TMEM19: variants seen among roughly 807,000 people sequenced by gnomAD.
The protein encoded by TMEM19 is transmembrane protein 19.
Under a neutral mutation model 33.6 loss-of-function variants are expected in TMEM19, and 21 were observed. The observed-to-expected ratio is 0.62, with a 90% CI of 0.44 to 0.90. The LOEUF (loss-of-function observed/expected upper bound fraction) is 0.90, where lower values mean the gene tolerates loss of function less well. TMEM19 is among the 40% of genes least tolerant of loss of function. The pLI is 0.00. For missense variants in TMEM19, 402 were observed against 401.8 expected (o/e 1.00, Z 0.00); for synonymous variants, 149 against 147.5 (o/e 1.01, Z -0.07).
chr12:71,698,772 G>C (rs1465375390), intron 4 of TMEM19, 128 bp from the exon 5 acceptor site: 17 of 779,608 alleles, frequency 2.2e-5, no homozygotes, highest in Non-Finnish European at 2.9e-5. Context: ...AAAAGCTACA[G>C]TCTTTAGATT....
At position 71,703,284 on chromosome 12, in the gene TMEM19, T is replaced by C. The variant is rs769326700; in HGVS notation, c.*2289T>C. 1 of 147,124 alleles carries C rather than the reference T, an allele frequency of 6.8e-6. No homozygotes were observed. The highest frequency in any genetic ancestry group is 1.5e-5 in the Non-Finnish European group (1 of 67,214). The allele number at this position is 147,124 out of a possible 1,614,324, so 9.1% of individuals were successfully genotyped here. A position where few individuals can be genotyped will look rare whatever the true frequency, so the allele number is the denominator to read the frequency against. On this transcript the variant is annotated 3_prime_UTR_variant, in exon 6 of 6. Transcript: ENST00000266673. ...GTCCTAAAGCACTGTATCTAAGCAC[T>C]TGAAAAGAATGGGACTTTTCGGTTT...
At position 71,689,587 on chromosome 12, in the gene TMEM19, T is replaced by C. The variant is rs1355791687; in HGVS notation, c.131-4T>C. ...ATTTGTGCTCCACCTTTATAATTTT[T>C]CAGGTAACTTACGACCTATTTCTCC... On this transcript the variant is annotated splice_polypyrimidine_tract_variant and splice_region_variant and intron_variant, in intron 1 of 5. Coordinates refer to ENST00000266673, the MANE Select transcript of TMEM19 (RefSeq NM_018279.4). The C allele has an allele frequency of 6.2e-7, 1 of 1,612,824 alleles. No individual in the cohort carries two copies. Among genetic ancestry groups the C allele is most frequent in the Non-Finnish European group, 8.5e-7 (1 of 1,178,794 alleles).
chr12:71,694,234 G>A (rs529862152), intron 2 of TMEM19, among the ~76,000 whole-genome samples: 2 of 152,280 alleles, frequency 1.3e-5, no homozygotes, highest in East Asian at 1.9e-4. Context: ...GAGAGAGAGC[G>A]AGCATTGCCA....
At chr12:71,694,229 A>G (rs1881833682) in intron 2 of TMEM19, among the ~76,000 whole-genome samples, 1 of 152,158 alleles carries the variant, frequency 6.6e-6, no homozygotes, top group South Asian at 2.1e-4. Context: ...TCTTGGAGAG[A>G]GAGCGAGCAT....
At position 71,686,603 on chromosome 12, in the gene TMEM19, T is replaced by C. The variant is rs1881693366; in HGVS notation, c.-78T>C. On this transcript the variant is annotated 5_prime_UTR_variant, in exon 1 of 6. Transcript: ENST00000266673. ...ATTTATGTTTGCCTCTGAACAAGTGTCTTGCTCACATCGTAAATGACTTTC... is the reference window on the plus strand; with the variant it reads ...ATTTATGTTTGCCTCTGAACAAGTGCCTTGCTCACATCGTAAATGACTTTC... 1 of 1,499,134 alleles carries C rather than the reference T, an allele frequency of 6.7e-7. No homozygotes were observed. The highest frequency in any genetic ancestry group is 9.2e-7 in the Non-Finnish European group (1 of 1,089,870). 92.9% of individuals were successfully genotyped at this position (1,499,134 alleles called of 1,614,324 possible). A position where few individuals can be genotyped will look rare whatever the true frequency, so the allele number is the denominator to read the frequency against.
intron 5 of TMEM19, among the ~76,000 whole-genome samples, chr12:71,700,227 G>A (rs1321233101): frequency 6.6e-6 from 1 of 152,218 alleles, no homozygotes; most frequent in Non-Finnish European, 1.5e-5. Context: ...CACACAGACA[G>A]TAAACATGTT....
intron 2 of TMEM19, among the ~76,000 whole-genome samples, chr12:71,696,200 A>C (rs1488913666): frequency 1.3e-5 from 2 of 152,144 alleles, no homozygotes; most frequent in East Asian, 3.8e-4. Context: ...ATTATCTAAA[A>C]TATTATCTTA....
chr12:71,689,664 C>G lies in TMEM19; in HGVS notation c.204C>G (p.Gly68=). The change falls in exon 2 of 6, where the codon GGC becomes GGG. Residue 68 remains glycine, a synonymous_variant. Transcript: ENST00000266673. ...VVVPVLIVSN[G]LKKKSLDHSG... ...TTCCTGTTCTGATCGTCTCTAATGG[C>G]CTTAAAAAGAAAAGTCTAGATCACA... 1 of 1,614,012 alleles carries G rather than the reference C, an allele frequency of 6.2e-7. No homozygotes were observed. The highest frequency in any genetic ancestry group is 1.1e-5 in the South Asian group (1 of 91,082).
intron 1 of TMEM19, among the ~76,000 whole-genome samples, chr12:71,689,303 G>T (rs925207709): frequency 6.6e-6 from 1 of 152,172 alleles, no homozygotes; most frequent in African/African-American, 2.4e-5. Context: ...TTGTAGCCTA[G>T]GACCAATAGG....
At chr12:71,694,829 C>T (rs1421192292) in intron 2 of TMEM19, among the ~76,000 whole-genome samples, 2 of 152,144 alleles carry the variant, frequency 1.3e-5, no homozygotes, top group African/African-American at 4.8e-5. Context: ...TATTAAATTA[C>T]TATGAAATTC....
At chr12:71,696,626 A>G (rs1423227928) in intron 3 of TMEM19, 53 bp downstream of exon 3, 26 of 1,454,068 alleles carry the variant, frequency 1.8e-5, no homozygotes, top group Non-Finnish European at 2.3e-5. Flanking sequence ...TAATCCTAAC[A>G]TAAGGTTTTT....
In TMEM19 at chr12:71,696,542, G is replaced by A. The variant is rs1881873968; in HGVS notation, c.351G>A (p.Val117=). 1 of 1,610,660 alleles carries A rather than the reference G, an allele frequency of 6.2e-7. No homozygotes were observed. The highest frequency in any genetic ancestry group is 1.3e-5 in the African/African-American group (1 of 74,798). ...AACTCACTAAATGGAAGGGAGAAGT[G>A]AAGAAGCGTCTAGATTCAGAATATA... ...SSKLTKWKGE[V]KKRLDSEYKE... is the part of the protein sequence containing the mutation. Residue 117 remains valine (V), a synonymous_variant, in exon 3 of 6, where the codon GTG becomes GTA. Coordinates refer to ENST00000266673, the MANE Select transcript of TMEM19 (RefSeq NM_018279.4).
intron 2 of TMEM19, among the ~76,000 whole-genome samples, chr12:71,695,399 T>G (rs1025761909): frequency 3.3e-5 from 5 of 152,156 alleles, no homozygotes; most frequent in African/African-American, 1.2e-4. Context: ...AACAAATTGT[T>G]AACAGTGAAT....
At chr12:71,692,376 G>A (rs1881800248) in intron 2 of TMEM19, among the ~76,000 whole-genome samples, 1 of 152,016 alleles carries the variant, frequency 6.6e-6, no homozygotes, top group South Asian at 2.1e-4. Flanking sequence ...GACAGTTCTG[G>A]GCAGAAAACA....
At chr12:71,696,660 T>A in intron 3 of TMEM19, 87 bp downstream of exon 3, 1 of 1,286,270 alleles carries the variant, frequency 7.8e-7, no homozygotes, top group Non-Finnish European at 1.0e-6. Flanking sequence ...TTTGTTTTTT[T>A]TTTTGAGACG....
Position 71,703,832 on chromosome 12 carries a change from CA to C in TMEM19, c.*2838del, listed in dbSNP as rs1201760271. The stretch of plus-strand genomic sequence containing the variant: ...CAAGCTTTGTAAATAAACTGGTTTT[CA>C]TAGCTTTTTGGAGATGAGAATTGAG... On this transcript the variant is annotated 3_prime_UTR_variant, in exon 6 of 6. Transcript: ENST00000266673. 3.9e-6 allele frequency: 1 copy of C among 254,266 alleles called. No individual in the cohort carries two copies. Among genetic ancestry groups the C allele is most frequent in the African/African-American group, 2.3e-5 (1 of 44,214 alleles). 15.8% of individuals were successfully genotyped at this position (254,266 alleles called of 1,614,324 possible).
chr12:71,697,567 G>A (rs781752619), intron 4 of TMEM19, 33 bp downstream of exon 4: 12 of 1,549,646 alleles, frequency 7.7e-6, no homozygotes, highest in African/African-American at 5.7e-5. Flanking sequence ...CCCATTGGTA[G>A]ACACAGTTGG....
At chr12:71,695,625 T>C (rs1052515408) in intron 2 of TMEM19, among the ~76,000 whole-genome samples, 12 of 152,240 alleles carry the variant, frequency 7.9e-5, no homozygotes, top group African/African-American at 1.2e-4. Flanking sequence ...TCCATGATAT[T>C]AGGTAACACT....
intron 1 of TMEM19, 41 bp downstream of exon 1, chr12:71,686,851 C>T (rs1262138846): frequency 1.9e-5 from 29 of 1,558,374 alleles, no homozygotes; most frequent in Non-Finnish European, 2.4e-5. Context: ...GTAATCTAGT[C>T]AGAGGAAATT....
Sources: allele counts gnomAD v4.1 joint callset (sites outside exome capture counted in the v4.1 genomes callset), GRCh38; gene constraint gnomAD v4.1.1; transcripts MANE v1.5; gene names NCBI Gene and HGNC (gene_info 2026-07-23, HGNC 2026-07-21).